PLXNA4: variants seen among roughly 807,000 people sequenced by gnomAD.
The protein encoded by PLXNA4 is plexin-A4.
Under a neutral mutation model 191.8 loss-of-function variants are expected in PLXNA4, and 44 were observed. That is an observed-to-expected ratio of 0.23 (90% CI 0.18 to 0.29). PLXNA4 has a LOEUF of 0.29. Ranked by LOEUF, PLXNA4 falls within the 10% of genes least tolerant of loss-of-function variation. The pLI is 1.00. For missense variants in PLXNA4, 1,800 were observed against 2,488.8 expected (o/e 0.72, Z 5.89); for synonymous variants, 1,082 against 1,009.5 (o/e 1.07, Z -1.36).
intron 12 of PLXNA4, among the ~76,000 whole-genome samples, chr7:132,200,076 A>G (rs2116851755): frequency 6.6e-6 from 1 of 152,324 alleles, no homozygotes; most frequent in Admixed American, 6.5e-5. Context: ...TCTCCATGAT[A>G]TTCTAGCCCT....
intron 21 of PLXNA4, among the ~76,000 whole-genome samples, chr7:132,174,112 A>C (rs184952233): frequency 6.6e-6 from 1 of 152,320 alleles, no homozygotes; most frequent in East Asian, 1.9e-4. Context: ...CCTCAGGATT[A>C]TTATTCTGTC....
chr7:132,619,247 T>G (rs1803214098), intron 2 of PLXNA4, among the ~76,000 whole-genome samples: 1 of 152,236 alleles, frequency 6.6e-6, no homozygotes, highest in African/African-American at 2.4e-5. Flanking sequence ...CATGACATTC[T>G]CTGGCTAGCC....
intron 3 of PLXNA4, among the ~76,000 whole-genome samples, chr7:132,474,872 T>C (rs933317360): frequency 5.3e-5 from 8 of 152,224 alleles, no homozygotes; most frequent in African/African-American, 1.9e-4. Context: ...TAATTTGTTT[T>C]AATTTTTTCC....
At chr7:132,546,915 A>G (rs1800334605) in intron 1 of PLXNA4, among the ~76,000 whole-genome samples, 1 of 152,190 alleles carries the variant, frequency 6.6e-6, no homozygotes. Flanking sequence ...TCACAAAATG[A>G]AAATATGCAA....
chr7:132,537,343 C>T (rs1334940130), intron 1 of PLXNA4, among the ~76,000 whole-genome samples: 1 of 152,214 alleles, frequency 6.6e-6, no homozygotes, highest in Non-Finnish European at 1.5e-5. Flanking sequence ...ACCTACCAAG[C>T]ACGACAAATG....
intron 3 of PLXNA4, among the ~76,000 whole-genome samples, chr7:132,374,645 T>C (rs1225730675): frequency 6.6e-6 from 1 of 152,202 alleles, no homozygotes; most frequent in African/African-American, 2.4e-5. Flanking sequence ...AGTCACCACT[T>C]GTTGAACCCT....
At chr7:132,520,872 G>A (rs1266911298) in intron 1 of PLXNA4, among the ~76,000 whole-genome samples, 1 of 151,936 alleles carries the variant, frequency 6.6e-6, no homozygotes, top group Non-Finnish European at 1.5e-5. Flanking sequence ...GCACTGTGGG[G>A]GAGCAGGCTA....
At chr7:132,260,960 G>A (rs1310056341) in intron 4 of PLXNA4, among the ~76,000 whole-genome samples, 1 of 150,492 alleles carries the variant, frequency 6.6e-6, no homozygotes, top group African/African-American at 2.5e-5. Flanking sequence ...GATAGTGGTG[G>A]ACAGTGGGAG....
intron 3 of PLXNA4, among the ~76,000 whole-genome samples, chr7:132,482,808 T>C (rs540124355): frequency 6.6e-6 from 1 of 151,650 alleles, no homozygotes; most frequent in African/African-American, 2.4e-5. Flanking sequence ...TTCTCCTGCC[T>C]CAGCGTCCTG....
chr7:132,401,553 C>G (rs138835331), intron 3 of PLXNA4, among the ~76,000 whole-genome samples: 7 of 152,096 alleles, frequency 4.6e-5, no homozygotes, highest in Non-Finnish European at 2.9e-5. Context: ...GCTGAACAGA[C>G]GCATAAGGTT....
intron 3 of PLXNA4, among the ~76,000 whole-genome samples, chr7:132,336,053 G>A (rs541549577): frequency 6.6e-6 from 1 of 152,314 alleles, no homozygotes; most frequent in East Asian, 1.9e-4. Flanking sequence ...TAGCAGAGCT[G>A]ACATATTCTC....
chr7:132,350,122 A>G (rs186366678), intron 3 of PLXNA4, among the ~76,000 whole-genome samples: 57 of 152,314 alleles, frequency 3.7e-4, no homozygotes, highest in Middle Eastern at 3.4e-3. Context: ...GTTCAAGATG[A>G]TCTGGTTAAT....
intron 16 of PLXNA4, among the ~76,000 whole-genome samples, chr7:132,185,048 G>A (rs541744739): frequency 6.6e-6 from 1 of 152,194 alleles, no homozygotes; most frequent in African/African-American, 2.4e-5. Context: ...CACAGTGCCT[G>A]TCCTTGAACT....
chr7:132,540,547 A>G (rs947245764), intron 1 of PLXNA4, among the ~76,000 whole-genome samples: 1 of 144,664 alleles, frequency 6.9e-6, no homozygotes, highest in Admixed American at 6.9e-5. Flanking sequence ...TCAAGAGAGC[A>G]GAAGGTGTAG....
intron 9 of PLXNA4, among the ~76,000 whole-genome samples, chr7:132,211,581 C>G (rs895976399): frequency 6.6e-6 from 1 of 152,228 alleles, no homozygotes; most frequent in African/African-American, 2.4e-5. Flanking sequence ...AGGCAAAGCC[C>G]TGGGCCCTGT....
intron 1 of PLXNA4, among the ~76,000 whole-genome samples, chr7:132,548,863 A>G (rs1206945129): frequency 6.6e-6 from 1 of 152,182 alleles, no homozygotes; most frequent in South Asian, 2.1e-4. Context: ...AAAACTCACC[A>G]AAACCAAGAC....
Position 132,605,877 on chromosome 7 carries a change from T to G in PLXNA4, c.-87+40051A>C, listed in dbSNP as rs528865341. Among the ~76,000 whole-genome samples the G allele has an allele frequency of 3.9e-5, 6 of 152,148 alleles. No homozygotes were observed. In the East Asian group the frequency reaches 1.2e-3, roughly 29 times the overall value. On this transcript the variant is annotated intron_variant, in intron 2 of 4. Coordinates refer to the PLXNA4 transcript ENST00000378539. ...GAGGCAGAGACTGGAGCCATGCAGATGCAGGTCAAGAAACACCAAAGGCCG... is the reference window on the plus strand; with the variant it reads ...GAGGCAGAGACTGGAGCCATGCAGAGGCAGGTCAAGAAACACCAAAGGCCG...
intron 3 of PLXNA4, among the ~76,000 whole-genome samples, chr7:132,420,806 C>T (rs979983426): frequency 1.3e-5 from 2 of 152,138 alleles, no homozygotes; most frequent in South Asian, 2.1e-4. Context: ...ATGAGTCTCA[C>T]GAGATCTGAT....
At chr7:132,439,766 C>T (rs1415513945) in intron 3 of PLXNA4, among the ~76,000 whole-genome samples, 1 of 152,196 alleles carries the variant, frequency 6.6e-6, no homozygotes, top group East Asian at 1.9e-4. Flanking sequence ...ACTCTCTTTT[C>T]CCTTTCCCTA....
Sources: gnomAD v4.1 joint callset for allele counts (sites outside exome capture counted in the v4.1 genomes callset) on GRCh38, gnomAD v4.1.1 for gene constraint, MANE v1.5 for transcripts, NCBI Gene and HGNC (gene_info 2026-07-23, HGNC 2026-07-21) for gene names.